The following UNC5D variants were observed in gnomAD, a reference collection of about 807,000 sequenced individuals.
UNC5D encodes the protein netrin receptor UNC5D.
A neutral mutation model predicts 105.4 loss-of-function variants in UNC5D; 39 were observed. The ratio of observed to expected loss-of-function variants is 0.37; its 90% CI spans 0.29 to 0.48. The LOEUF is 0.48. Among genes scored for constraint, UNC5D ranks in the 20% least tolerant of loss-of-function variants. The pLI, the probability that UNC5D is intolerant of heterozygous loss-of-function variation, is 0.98. For synonymous variants in UNC5D, 452 were observed against 450.4 expected (o/e 1.00, Z -0.04); for missense variants, 991 against 1,202.4 (o/e 0.82, Z 2.60).
At chr8:35,485,432 C>T (rs371357234) in intron 1 of UNC5D, among the ~76,000 whole-genome samples, 12 of 152,214 alleles carry the variant, frequency 7.9e-5, no homozygotes, top group African/African-American at 1.9e-4. Flanking sequence ...ATCCTTAGTA[C>T]GTGCTACATA....
At chr8:35,619,229 TCAAC>T (rs1315288650) in intron 4 of UNC5D, among the ~76,000 whole-genome samples, 1 of 152,180 alleles carries the variant, frequency 6.6e-6, no homozygotes, top group Non-Finnish European at 1.5e-5. Context: ...GCCAGGGTGA[TCAAC>T]CAAGACATTG....
chr8:35,778,680 G>A (rs6468339), intron 16 of UNC5D, among the ~76,000 whole-genome samples: 7,309 of 152,108 alleles, frequency 0.048, 448 homozygotes, highest in African/African-American at 0.14. Context: ...TCCAAAAAGC[G>A]TTTAAAAGCT....
chr8:35,337,400 G>A (rs1360526196), intron 1 of UNC5D, among the ~76,000 whole-genome samples: 2 of 152,156 alleles, frequency 1.3e-5, no homozygotes, highest in Non-Finnish European at 2.9e-5. Context: ...AACAAAGTGG[G>A]TTTATTCTTT....
intron 1 of UNC5D, among the ~76,000 whole-genome samples, chr8:35,248,861 TA>T (rs1803429394): frequency 1.1e-5 from 1 of 95,042 alleles, no homozygotes; most frequent in Non-Finnish European, 1.8e-5. Flanking sequence ...TATAATTCTA[TA>T]ATAATATAAA....
At chr8:35,267,102 A>T (rs1441694592) in intron 1 of UNC5D, among the ~76,000 whole-genome samples, 247 of 110,272 alleles carry the variant, frequency 2.2e-3, no homozygotes, top group African/African-American at 7.5e-3. Context: ...TTTTTTTTTG[A>T]TGAGCCGTTA....
intron 11 of UNC5D, among the ~76,000 whole-genome samples, chr8:35,738,858 A>G (rs1425566513): frequency 1.3e-5 from 2 of 152,230 alleles, no homozygotes; most frequent in African/African-American, 2.4e-5. Flanking sequence ...CGTCCATGTC[A>G]TCATTTGTGT....
Position 35,500,524 on chromosome 8 carries a change from T to C in UNC5D, c.104-48768T>C, listed in dbSNP as rs547605040. 1.1e-3 allele frequency among the ~76,000 whole-genome samples: 175 copies of C among 152,366 alleles called. 1 individual carries two copies. Among genetic ancestry groups the C allele is most frequent in the African/African-American group, 4.1e-3 (172 of 41,596 alleles). ...ATGTTCCTATTCAACTGTATATTTA[T>C]GTGACCCAATGAATGAAATATTTTA... On this transcript the variant is annotated intron_variant, in intron 1 of 16. Transcript: ENST00000404895.
At chr8:35,631,443 T>C (rs1822037916) in intron 4 of UNC5D, among the ~76,000 whole-genome samples, 1 of 152,216 alleles carries the variant, frequency 6.6e-6, no homozygotes, top group African/African-American at 2.4e-5. Flanking sequence ...TGGTCAAATG[T>C]CCCTTCAACT....
At chr8:35,753,551 C>A (rs1361445334) in intron 13 of UNC5D, among the ~76,000 whole-genome samples, 7 of 152,214 alleles carry the variant, frequency 4.6e-5, no homozygotes, top group Non-Finnish European at 1.0e-4. Flanking sequence ...CCATGCCCAG[C>A]AGAGAGGTAT....
At chr8:35,423,588 G>A (rs549138530) in intron 1 of UNC5D, among the ~76,000 whole-genome samples, 15 of 152,062 alleles carry the variant, frequency 9.9e-5, no homozygotes, top group Non-Finnish European at 2.1e-4. Context: ...ACAGGAAAAT[G>A]GCAAAAACTT....
intron 2 of UNC5D, among the ~76,000 whole-genome samples, chr8:35,551,736 T>G (rs183405554): frequency 2.1e-3 from 321 of 151,842 alleles, no homozygotes; most frequent in African/African-American, 7.4e-3. Flanking sequence ...GAGAATTGCT[T>G]GAACCCAGGA....
At chr8:35,302,612 A>G (rs1808044491) in intron 1 of UNC5D, among the ~76,000 whole-genome samples, 1 of 152,226 alleles carries the variant, frequency 6.6e-6, no homozygotes, top group Non-Finnish European at 1.5e-5. Flanking sequence ...ACAATAGAAA[A>G]TGAGTTAAAT....
At chr8:35,382,507 T>A (rs920829147) in intron 1 of UNC5D, among the ~76,000 whole-genome samples, 1 of 152,196 alleles carries the variant, frequency 6.6e-6, no homozygotes, top group Admixed American at 6.5e-5. Context: ...TTTTGCTGGT[T>A]TGGGATTTTA....
intron 4 of UNC5D, among the ~76,000 whole-genome samples, chr8:35,606,221 C>G (rs779213955): frequency 2.6e-5 from 4 of 152,060 alleles, no homozygotes; most frequent in Non-Finnish European, 5.9e-5. Context: ...CTCCTGACCT[C>G]ATGATCCACC....
intron 3 of UNC5D, among the ~76,000 whole-genome samples, chr8:35,575,219 AC>A (rs1818007630): frequency 6.6e-6 from 1 of 151,980 alleles, no homozygotes. Context: ...TGAGGATTCA[AC>A]CTGCATTACC....
intron 1 of UNC5D, among the ~76,000 whole-genome samples, chr8:35,303,454 T>C (rs1369293939): frequency 6.6e-6 from 1 of 152,310 alleles, no homozygotes; most frequent in Non-Finnish European, 1.5e-5. Flanking sequence ...AATACATGGC[T>C]AAACAGTGTA....
intron 1 of UNC5D, among the ~76,000 whole-genome samples, chr8:35,417,976 ACT>A (rs1366278423): frequency 1.3e-5 from 2 of 151,972 alleles, no homozygotes; most frequent in African/African-American, 4.8e-5. Context: ...CTAATTTTCA[ACT>A]CTGCTGAACA....
At chr8:35,495,393 G>A (rs540074237) in intron 1 of UNC5D, among the ~76,000 whole-genome samples, 3 of 129,934 alleles carry the variant, frequency 2.3e-5, no homozygotes, top group Admixed American at 9.8e-5. Context: ...CACATTGGAA[G>A]AAGAAGGATT....
chr8:35,775,042 G>A (rs1303009170), intron 16 of UNC5D, among the ~76,000 whole-genome samples: 8 of 152,022 alleles, frequency 5.3e-5, no homozygotes, highest in African/African-American at 9.7e-5. Context: ...TTGCTAATTG[G>A]GTCACCCAAA....
Sources: allele counts gnomAD v4.1 joint callset (sites outside exome capture counted in the v4.1 genomes callset), GRCh38; gene constraint gnomAD v4.1.1; transcripts MANE v1.5; gene names NCBI Gene and HGNC (gene_info 2026-07-23, HGNC 2026-07-21).